Variants in HMGCL observed in about 807,000 individuals in gnomAD.
HMGCL encodes the protein hydroxymethylglutaryl-CoA lyase, mitochondrial.
Under a neutral mutation model 37.3 loss-of-function variants are expected in HMGCL, and 26 were observed. That is an observed-to-expected ratio of 0.70 (90% CI 0.51 to 0.97). HMGCL has a LOEUF of 0.97. Among genes scored for constraint, HMGCL ranks in the 50% least tolerant of loss-of-function variants. HMGCL has a pLI of 0.00. For missense variants in HMGCL, 379 were observed against 398.1 expected, an observed-to-expected ratio of 0.95 and a Z score of 0.41; for synonymous variants, 151 against 148.0, an observed-to-expected ratio of 1.02 and a Z score of -0.15.
In HMGCL at chr1:23,817,544, T is replaced by A. The variant is rs373738626; in HGVS notation, c.184A>T (p.Met62Leu). Residue 62 changes from methionine (M) to leucine (L), a missense_variant, in exon 3 of 9, where the codon ATG becomes TTG. Transcript: ENST00000374490. Reference sequence around the variant, plus strand: ...ACAGAGAGTCCTGCTTCAGAAAGCATGTCTATCAGCTTGATTTTCACTGGA... The same window carrying A: ...ACAGAGAGTCCTGCTTCAGAAAGCAAGTCTATCAGCTTGATTTTCACTGGA... ...STPVKIKLID[M>L]LSEAGLSVIE... 1.9e-6 allele frequency: 3 copies of A among 1,613,608 alleles called. No homozygotes were observed. Among genetic ancestry groups the A allele is most frequent in the Non-Finnish European group, 2.5e-6 (3 of 1,179,532 alleles).
In HMGCL at chr1:23,802,040, G is replaced by T; in HGVS notation, c.*423C>A. 2.2e-6 allele frequency: 1 copy of T among 447,520 alleles called. No individual in the cohort carries two copies. The highest frequency in any genetic ancestry group is 6.9e-5 in the South Asian group (1 of 14,502). 27.7% of individuals were successfully genotyped at this position (447,520 alleles called of 1,614,324 possible). A position where few individuals can be genotyped will look rare whatever the true frequency, so the allele number is the denominator to read the frequency against. On this transcript the variant is annotated 3_prime_UTR_variant, in exon 9 of 9. Coordinates refer to ENST00000374490, the MANE Select transcript of HMGCL (RefSeq NM_000191.3). The stretch of plus-strand genomic sequence containing the variant: ...CTGCCAGCTTGGGAAGAACCTCCAT[G>T]ACCTGTGTCCTGAGAAGTCAGAGAG...
At chr1:23,822,825 C>A (rs2502979) in intron 1 of HMGCL, among the ~76,000 whole-genome samples, 90,778 of 151,944 alleles carry the variant, frequency 0.6, 27,106 homozygotes, top group South Asian at 0.71. Context: ...ATTTCTAAGG[C>A]CCTGGGACAT....
chr1:23,804,193 C>CTCAA, intron 8 of HMGCL: 1 of 648,622 alleles, frequency 1.5e-6, no homozygotes, highest in South Asian at 1.7e-5. Flanking sequence ...TCACTGCAGC[C>CTCAA]TCAAACTCCT....
At chr1:23,802,910 C>T (rs1334273955) in intron 8 of HMGCL, among the ~76,000 whole-genome samples, 1 of 152,200 alleles carries the variant, frequency 6.6e-6, no homozygotes, top group Non-Finnish European at 1.5e-5. Flanking sequence ...AATTGTGAGG[C>T]AGAGAGGGAG....
intron 6 of HMGCL, among the ~76,000 whole-genome samples, chr1:23,808,773 TCA>T (rs1484870738): frequency 7.0e-6 from 1 of 142,384 alleles, no homozygotes; most frequent in East Asian, 2.1e-4. Flanking sequence ...AGACCGGGTC[TCA>T]CTCTGTCATT....
intron 7 of HMGCL, among the ~76,000 whole-genome samples, 200 bp downstream of exon 7, chr1:23,807,935 G>T (rs914815194): frequency 6.6e-6 from 1 of 152,168 alleles, no homozygotes; most frequent in Non-Finnish European, 1.5e-5. Flanking sequence ...CAGTGGGATT[G>T]CCATGTAACT....
chr1:23,806,202 C>A lies in HMGCL; in HGVS notation c.751-1677G>T, dbSNP rs915800704. ...TCCTGACCTCAAGTGATCCACCTGCCTCAGCCTCCCAAAGTGCTGGGATTA... is the reference window on the plus strand; with the variant it reads ...TCCTGACCTCAAGTGATCCACCTGCATCAGCCTCCCAAAGTGCTGGGATTA... On this transcript the variant is annotated intron_variant, in intron 7 of 8. Coordinates refer to ENST00000374490, the MANE Select transcript of HMGCL (RefSeq NM_000191.3). This position sits in a 1 kb window ranked among gnomAD's most constrained non-coding sequence, Gnocchi z 4.0. Among the ~76,000 whole-genome samples the A allele has an allele frequency of 6.6e-6, 1 of 152,170 alleles. No individual in the cohort carries two copies. Among genetic ancestry groups the A allele is most frequent in the Admixed American group, 6.5e-5 (1 of 15,280 alleles).
Position 23,825,428 on chromosome 1 carries a change from T to C in HMGCL, c.-13A>G, listed in dbSNP as rs1057521252. On this transcript the variant is annotated 5_prime_UTR_variant, in exon 1 of 9. Transcript: ENST00000374490. ...TCATTGCTGCCATCTTGGCCCAGAATCCCCCGCGGCAGTCCAGCTGGGCCC... is the reference window on the plus strand; with the variant it reads ...TCATTGCTGCCATCTTGGCCCAGAACCCCCCGCGGCAGTCCAGCTGGGCCC... 1.9e-6 allele frequency: 3 copies of C among 1,551,892 alleles called. No homozygotes were observed. Among genetic ancestry groups the C allele is most frequent in the Non-Finnish European group, 2.6e-6 (3 of 1,148,230 alleles).
chr1:23,819,770 C>T (rs1638679789), intron 2 of HMGCL, among the ~76,000 whole-genome samples: 1 of 152,148 alleles, frequency 6.6e-6, no homozygotes, highest in Non-Finnish European at 1.5e-5. Flanking sequence ...CGTACGCGCA[C>T]ATGCACTATT....
chr1:23,812,547 C>A (rs1638537293), intron 5 of HMGCL, among the ~76,000 whole-genome samples: 1 of 151,960 alleles, frequency 6.6e-6, no homozygotes, highest in African/African-American at 2.4e-5. Flanking sequence ...TGGGGTTTCA[C>A]CATGTTGCCC....
chr1:23,817,728 A>G (rs1012852785), intron 2 of HMGCL, 145 bp from the exon 3 acceptor site: 17 of 694,604 alleles, frequency 2.4e-5, no homozygotes. Context: ...ACATAGAAAC[A>G]TTATTCTGCC....
At chr1:23,824,972 A>G (rs1638789723) in intron 1 of HMGCL, among the ~76,000 whole-genome samples, 1 of 152,196 alleles carries the variant, frequency 6.6e-6, no homozygotes, top group African/African-American at 2.4e-5. Flanking sequence ...AAGCAACAAC[A>G]GTTGGAAATG....
intron 4 of HMGCL, 30 bp from the exon 5 acceptor site, chr1:23,814,368 C>G (rs1001596104): frequency 1.2e-6 from 2 of 1,611,200 alleles, no homozygotes; most frequent in Admixed American, 3.3e-5. Context: ...CTCCTTTCAG[C>G]ACTTTTCTCT....
chr1:23,821,530 G>T (rs938338170), intron 1 of HMGCL, among the ~76,000 whole-genome samples: 1 of 151,506 alleles, frequency 6.6e-6, no homozygotes, highest in Admixed American at 6.6e-5. Flanking sequence ...GTGGTGGAAT[G>T]GACATGTAGT....
chr1:23,822,602 C>T (rs1005490171), intron 1 of HMGCL, among the ~76,000 whole-genome samples: 12 of 152,160 alleles, frequency 7.9e-5, no homozygotes, highest in African/African-American at 2.4e-4. Flanking sequence ...GTACAACTCA[C>T]CTGACTGGCC....
intron 6 of HMGCL, 30 bp downstream of exon 6, chr1:23,810,706 C>T: frequency 1.2e-6 from 2 of 1,610,716 alleles, no homozygotes; most frequent in South Asian, 2.2e-5. Flanking sequence ...CAACCCTCAC[C>T]AAACCCCCCG....
chr1:23,821,996 C>G (rs564600837), intron 1 of HMGCL, among the ~76,000 whole-genome samples: 3 of 152,188 alleles, frequency 2.0e-5, no homozygotes, highest in Non-Finnish European at 4.4e-5. Flanking sequence ...TCCTTCAAAG[C>G]ACGATAAAGA....
At chr1:23,803,335 G>T (rs1348813128) in intron 8 of HMGCL, among the ~76,000 whole-genome samples, 2 of 152,218 alleles carry the variant, frequency 1.3e-5, no homozygotes, top group Admixed American at 1.3e-4. Context: ...CCGAGTAGCT[G>T]GGATTACAGG....
Sources: allele counts gnomAD v4.1 joint callset (sites outside exome capture counted in the v4.1 genomes callset), GRCh38; gene constraint gnomAD v4.1.1; non-coding constraint Gnocchi (gnomAD v3.1); transcripts MANE v1.5; gene names NCBI Gene and HGNC (gene_info 2026-07-23, HGNC 2026-07-21).